The following DCAF5 variants were observed in gnomAD, a reference collection of about 807,000 sequenced individuals.
DCAF5 encodes the protein DDB1- and CUL4-associated factor 5.
A neutral mutation model predicts 80.7 loss-of-function variants in DCAF5; 9 were observed. The observed-to-expected ratio is 0.11, with a 90% CI of 0.07 to 0.19. The LOEUF is 0.19. DCAF5 is among the 10% of genes least tolerant of loss of function. The pLI is 1.00. For missense variants in DCAF5, 842 were observed against 1,205.7 expected, an observed-to-expected ratio of 0.70 and a Z score of 4.47; for synonymous variants, 433 against 461.9, an observed-to-expected ratio of 0.94 and a Z score of 0.80.
At chr14:69,124,449 C>CCTG (rs1340053454) in intron 1 of DCAF5, among the ~76,000 whole-genome samples, 2 of 152,116 alleles carry the variant, frequency 1.3e-5, no homozygotes, top group African/African-American at 4.8e-5. Context: ...TACTTATTCT[C>CCTG]CTGCTCCTAG....
intron 6 of DCAF5, among the ~76,000 whole-genome samples, chr14:69,080,717 T>C (rs1047222735): frequency 6.6e-6 from 1 of 152,190 alleles, no homozygotes; most frequent in African/African-American, 2.4e-5. Context: ...TATAGAAACA[T>C]AGTAGAAAAA....
chr14:69,083,145 C>G (rs548160893), intron 6 of DCAF5, among the ~76,000 whole-genome samples: 1 of 152,236 alleles, frequency 6.6e-6, no homozygotes, highest in East Asian at 1.9e-4. Flanking sequence ...CAACATAATC[C>G]AAAGGTAAAA....
intron 6 of DCAF5, chr14:69,084,461 C>T (rs2039240285): frequency 9.9e-6 from 8 of 810,470 alleles, no homozygotes; most frequent in Admixed American, 1.9e-5. Flanking sequence ...ACAGACGATG[C>T]TCTTTTCTGC....
At chr14:69,099,094 T>C (rs2039854313) in intron 5 of DCAF5, among the ~76,000 whole-genome samples, 2 of 151,114 alleles carry the variant, frequency 1.3e-5, no homozygotes, top group Non-Finnish European at 3.0e-5. Context: ...CTACTAAAAA[T>C]TTAAAAAATT....
intron 6 of DCAF5, among the ~76,000 whole-genome samples, chr14:69,081,965 T>C (rs562987184): frequency 2.0e-5 from 3 of 152,224 alleles, no homozygotes; most frequent in Admixed American, 2.0e-4. Context: ...CTGTATTGAC[T>C]AGGACAGAAA....
At position 69,053,716 on chromosome 14, in the gene DCAF5, G is replaced by C; in HGVS notation, c.*141C>G. 1.4e-6 allele frequency: 1 copy of C among 728,978 alleles called. No individual in the cohort carries two copies. The highest frequency in any genetic ancestry group is 2.2e-6 in the Non-Finnish European group (1 of 463,004). The allele number at this position is 728,978 out of a possible 1,614,324, so 45.2% of individuals were successfully genotyped here. On this transcript the variant is annotated 3_prime_UTR_variant, in exon 9 of 9. Transcript: ENST00000341516. The stretch of plus-strand genomic sequence containing the variant: ...CCCGTTGTTGAATGTTGGATAGAAG[G>C]GAGCAGCATCAGACACAAAATTTCA...
At chr14:69,074,415 GA>G (rs955521775) in intron 7 of DCAF5, among the ~76,000 whole-genome samples, 9 of 152,272 alleles carry the variant, frequency 5.9e-5, no homozygotes, top group Admixed American at 2.6e-4. Flanking sequence ...AAAGGGGGGG[GA>G]AACTAAGTAA....
Position 69,091,854 on chromosome 14 carries a change from G to C in DCAF5, c.699C>G (p.Leu233=), listed in dbSNP as rs779119029. Residue 233 remains leucine (L), a synonymous_variant, in exon 6 of 9, where the codon CTC becomes CTG. Coordinates refer to ENST00000341516, the MANE Select transcript of DCAF5 (RefSeq NM_003861.3). ...TGAATCGTACACTCATGGCACTTTGGAGGGACAGGTTTCCACCATAGCGCA... is the reference window on the plus strand; with the variant it reads ...TGAATCGTACACTCATGGCACTTTGCAGGGACAGGTTTCCACCATAGCGCA... ...SLLRYGGNLS[L]QSAMSVRFNS... is the part of the protein sequence containing the mutation. The C allele has an allele frequency of 6.2e-7, 1 of 1,613,946 alleles. No homozygotes were observed. The highest frequency in any genetic ancestry group is 1.7e-5 in the Admixed American group (1 of 60,000).
chr14:69,084,811 A>T, intron 6 of DCAF5: 1 of 1,076,196 alleles, frequency 9.3e-7, no homozygotes, highest in Non-Finnish European at 1.4e-6. Flanking sequence ...ATTCAGGAAC[A>T]CTATTGTGTA....
chr14:69,106,085 C>T (rs1476902798), intron 5 of DCAF5, among the ~76,000 whole-genome samples: 2 of 151,022 alleles, frequency 1.3e-5, no homozygotes, highest in East Asian at 2.0e-4. Context: ...GACGGAGTTT[C>T]GCTTTTTTTG....
At chr14:69,086,277 G>C (rs1191432312) in intron 6 of DCAF5, among the ~76,000 whole-genome samples, 12 of 152,178 alleles carry the variant, frequency 7.9e-5, no homozygotes. Context: ...AGAATTGCTT[G>C]AACCTGCGAG....
At chr14:69,114,990 A>G (rs926959523) in intron 5 of DCAF5, among the ~76,000 whole-genome samples, 9 of 152,184 alleles carry the variant, frequency 5.9e-5, no homozygotes, top group Non-Finnish European at 1.3e-4. Context: ...CCAGCTATTC[A>G]TTGCAATTAT....
intron 5 of DCAF5, among the ~76,000 whole-genome samples, chr14:69,098,658 C>T (rs541426513): frequency 1.2e-4 from 18 of 146,954 alleles, no homozygotes; most frequent in Non-Finnish European, 2.5e-4. Flanking sequence ...CCGAGACAGG[C>T]GGATCACGAG....
intron 5 of DCAF5, among the ~76,000 whole-genome samples, chr14:69,109,022 G>T (rs2140030933): frequency 6.6e-6 from 1 of 152,188 alleles, no homozygotes; most frequent in East Asian, 1.9e-4. Flanking sequence ...CAGTGGCCTT[G>T]GATTCTTTTT....
intron 2 of DCAF5, among the ~76,000 whole-genome samples, chr14:69,119,962 G>A (rs1488617149): frequency 6.6e-6 from 1 of 151,950 alleles, no homozygotes; most frequent in Non-Finnish European, 1.5e-5. Flanking sequence ...TTCAGAATAG[G>A]GCTGATCACT....
chr14:69,065,353 C>A (rs1387747031), intron 7 of DCAF5, among the ~76,000 whole-genome samples: 1 of 152,176 alleles, frequency 6.6e-6, no homozygotes, highest in Non-Finnish European at 1.5e-5. Context: ...CCTCGGCCTC[C>A]CAAAGTGCTG....
In DCAF5 at chr14:69,152,811, G is replaced by A; in HGVS notation, c.168C>T (p.Val56=). ...KKDLLGHFGC[V]NAIEFSNNGG... ...CATTGTTGGAGAATTCAATGGCATT[G>A]ACACAGCCGAAGTGGCCGAGGAGGT... Residue 56 remains valine, a synonymous_variant, in exon 1 of 9, where the codon GTC becomes GTT. Coordinates refer to ENST00000341516, the MANE Select transcript of DCAF5 (RefSeq NM_003861.3). The surrounding 1 kb of genome is among the most constrained non-coding windows in gnomAD (Gnocchi z 4.1). The A allele has an allele frequency of 6.2e-7, 1 of 1,614,100 alleles. No homozygotes were observed. Among genetic ancestry groups the A allele is most frequent in the Non-Finnish European group, 8.5e-7 (1 of 1,179,998 alleles).
intron 5 of DCAF5, among the ~76,000 whole-genome samples, chr14:69,113,669 T>A (rs968010526): frequency 1.3e-5 from 2 of 152,162 alleles, no homozygotes; most frequent in African/African-American, 4.8e-5. Context: ...TCAGCATAAC[T>A]AATCCTACAT....
chr14:69,085,800 C>T (rs1053879842), intron 6 of DCAF5, among the ~76,000 whole-genome samples: 5 of 152,256 alleles, frequency 3.3e-5, no homozygotes, highest in East Asian at 3.9e-4. Flanking sequence ...AAAACATTCA[C>T]GCTCTAAAAA....
Sources: gnomAD v4.1 joint callset for allele counts (sites outside exome capture counted in the v4.1 genomes callset) on GRCh38, gnomAD v4.1.1 for gene constraint, Gnocchi (gnomAD v3.1) non-coding constraint, MANE v1.5 for transcripts, NCBI Gene and HGNC (gene_info 2026-07-23, HGNC 2026-07-21) for gene names.